The following KLHL18 variants were observed in gnomAD, a reference collection of about 807,000 sequenced individuals.
The protein encoded by KLHL18 is kelch like family member 18.
In KLHL18, 38 loss-of-function variants were observed where a neutral mutation model predicts 58.5. The ratio of observed to expected loss-of-function variants is 0.65; its 90% CI spans 0.50 to 0.85. The LOEUF is 0.85. Among genes scored for constraint, KLHL18 ranks in the 40% least tolerant of loss-of-function variants. The probability of loss-of-function intolerance (pLI) is 0.00; values close to 1 mark genes in which losing one functional copy is unlikely to be tolerated. For synonymous variants in KLHL18, 303 were observed against 301.9 expected (o/e 1.00, Z -0.04); for missense variants, 624 against 778.4 (o/e 0.80, Z 2.36).
At chr3:47,299,191 G>A (rs1006921932) in intron 1 of KLHL18, among the ~76,000 whole-genome samples, 2 of 152,170 alleles carry the variant, frequency 1.3e-5, no homozygotes, top group African/African-American at 4.8e-5. Context: ...ACCTTGGCTA[G>A]GCCCAGTTGT....
At chr3:47,327,757 A>G (rs1386106887) in intron 3 of KLHL18, among the ~76,000 whole-genome samples, 3 of 152,226 alleles carry the variant, frequency 2.0e-5, no homozygotes, top group Admixed American at 1.3e-4. Flanking sequence ...ACTATGTAGA[A>G]TTTTGACTAG....
intron 3 of KLHL18, 83 bp from the exon 4 acceptor site, chr3:47,329,868 G>T (rs543525407): frequency 5.1e-6 from 6 of 1,186,812 alleles, no homozygotes; most frequent in Non-Finnish European, 7.4e-6. Flanking sequence ...TCATTCTGTG[G>T]CTCTACCCAG....
chr3:47,330,484 G>A (rs1481835709), intron 4 of KLHL18, among the ~76,000 whole-genome samples: 2 of 152,108 alleles, frequency 1.3e-5, no homozygotes, highest in Non-Finnish European at 2.9e-5. Flanking sequence ...ATTTTTTGTA[G>A]AGACCGGGTT....
At chr3:47,290,263 CCA>C (rs1702763209) in intron 1 of KLHL18, among the ~76,000 whole-genome samples, 1 of 152,208 alleles carries the variant, frequency 6.6e-6, no homozygotes, top group Non-Finnish European at 1.5e-5. Context: ...TGTCCAGATG[CCA>C]CACCAACATT....
chr3:47,294,249 G>A (rs1038982342), intron 1 of KLHL18, among the ~76,000 whole-genome samples: 2 of 152,108 alleles, frequency 1.3e-5, no homozygotes, highest in Non-Finnish European at 2.9e-5. Context: ...TTCTCATTTC[G>A]TTTTCATTCA....
chr3:47,295,518 T>G (rs1480373330), intron 1 of KLHL18, among the ~76,000 whole-genome samples: 1 of 152,132 alleles, frequency 6.6e-6, no homozygotes, highest in East Asian at 1.9e-4. Flanking sequence ...TTTCTTCCTT[T>G]GCTTTCTTTC....
chr3:47,291,838 A>G (rs1319589321), intron 1 of KLHL18, among the ~76,000 whole-genome samples: 3 of 152,276 alleles, frequency 2.0e-5, no homozygotes, highest in Admixed American at 6.5e-5. Flanking sequence ...TCATGGGACT[A>G]TACTGATTAG....
chr3:47,322,800 G>A, intron 3 of KLHL18, 92 bp downstream of exon 3: 1 of 1,251,918 alleles, frequency 8.0e-7, no homozygotes, highest in South Asian at 2.0e-5. Flanking sequence ...CCATATATAG[G>A]TTTATGAAGG....
chr3:47,318,434 C>T (rs989470815), intron 1 of KLHL18, among the ~76,000 whole-genome samples: 20 of 152,138 alleles, frequency 1.3e-4, no homozygotes, highest in African/African-American at 4.8e-4. Context: ...CCTTTTATGA[C>T]CTAGCTTTGA....
chr3:47,321,662 C>T (rs1164848328), intron 2 of KLHL18, among the ~76,000 whole-genome samples: 1 of 152,114 alleles, frequency 6.6e-6, no homozygotes, highest in African/African-American at 2.4e-5. Context: ...TGCCAGCTTT[C>T]TAGTAGTGAT....
At chr3:47,324,294 C>CTTTTTTT (rs1559498832) in intron 3 of KLHL18, among the ~76,000 whole-genome samples, 5 of 10,616 alleles carry the variant, frequency 4.7e-4, no homozygotes, top group East Asian at 5.4e-3. Context: ...CTTTTTCTTT[C>CTTTTTTT]TTTCTTTTTT....
chr3:47,330,107 G>A lies in KLHL18; in HGVS notation c.558G>A (p.Glu186=). The A allele has an allele frequency of 6.2e-7, 1 of 1,614,178 alleles. No homozygotes were observed. The highest frequency in any genetic ancestry group is 8.5e-7 in the Non-Finnish European group (1 of 1,180,040). ...CCCTGCCCTTGGAAGACGTGCTTGA[G>A]CTGGTGTCTCGGGATGAGCTGAATG... ...FLALPLEDVL[E]LVSRDELNVK... The change falls in exon 4 of 10, where the codon GAG becomes GAA. Residue 186 remains glutamate (E), a synonymous_variant. Transcript: ENST00000232766.
At chr3:47,311,535 A>G (rs112611988) in intron 1 of KLHL18, among the ~76,000 whole-genome samples, 4,427 of 152,082 alleles carry the variant, frequency 0.029, 87 homozygotes, top group South Asian at 0.05. Flanking sequence ...TACTAAAAAT[A>G]CAAAAAATTA....
intron 1 of KLHL18, among the ~76,000 whole-genome samples, chr3:47,300,412 TA>T: frequency 7.8e-4 from 1 of 1,286 alleles, no homozygotes; most frequent in East Asian, 0.062. Flanking sequence ...TGTGTGTGTA[TA>T]TATATATATT....
chr3:47,339,794 G>A lies in KLHL18; in HGVS notation c.1122-778G>A, dbSNP rs1704068006. Among the ~76,000 whole-genome samples, 4 of 12,458 alleles carry A rather than the reference G, an allele frequency of 3.2e-4. No homozygotes were observed. The South Asian group carries it at 0.12, about 389-fold the overall frequency. The allele number at this position is 12,458 out of a possible 152,430, so 8.2% of individuals were successfully genotyped here. A position where few individuals can be genotyped will look rare whatever the true frequency, so the allele number is the denominator to read the frequency against. ...GCAGATAGATTGGCTGGGTGTGGTGGCTCACTCTTAACAATCCCAGCACTT... is the reference window on the plus strand; with the variant it reads ...GCAGATAGATTGGCTGGGTGTGGTGACTCACTCTTAACAATCCCAGCACTT... On this transcript the variant is annotated intron_variant, in intron 7 of 9. Transcript: ENST00000232766.
In KLHL18 at chr3:47,334,574, C is replaced by T. The variant is rs1703941006; in HGVS notation, c.762-109C>T. The stretch of plus-strand genomic sequence containing the variant: ...AGACCAGACCTTCCAGAAGGCTTCT[C>T]CTCCCAGGTTTCCCCTGCAGTTGGC... On this transcript the variant is annotated intron_variant, in intron 5 of 9. Coordinates refer to ENST00000232766, the MANE Select transcript of KLHL18 (RefSeq NM_025010.5). This position sits in a 1 kb window ranked among gnomAD's most constrained non-coding sequence, Gnocchi z 4.7. The T allele has an allele frequency of 5.4e-6, 7 of 1,303,200 alleles. No individual in the cohort carries two copies. The Admixed American group carries it at 7.6e-5, about 14-fold the overall frequency. The allele number at this position is 1,303,200 out of a possible 1,614,324, so 80.7% of individuals were successfully genotyped here.
At chr3:47,328,995 T>C (rs564347752) in intron 3 of KLHL18, among the ~76,000 whole-genome samples, 24 of 152,020 alleles carry the variant, frequency 1.6e-4, no homozygotes, top group East Asian at 9.8e-4. Flanking sequence ...TAGCCAGGCA[T>C]GGTGGCACCT....
At chr3:47,328,236 T>C (rs1329105401) in intron 3 of KLHL18, among the ~76,000 whole-genome samples, 1 of 149,786 alleles carries the variant, frequency 6.7e-6, no homozygotes, top group Non-Finnish European at 1.5e-5. Flanking sequence ...TTTAATTAGC[T>C]AGGTGTGTGG....
At chr3:47,286,011 GC>G (rs1469227579) in intron 1 of KLHL18, among the ~76,000 whole-genome samples, 1 of 151,298 alleles carries the variant, frequency 6.6e-6, no homozygotes, top group African/African-American at 2.4e-5. Flanking sequence ...CTGCACTCCA[GC>G]CTGGGCAACA....
Sources: gnomAD v4.1 joint callset for allele counts (sites outside exome capture counted in the v4.1 genomes callset) on GRCh38, gnomAD v4.1.1 for gene constraint, Gnocchi (gnomAD v3.1) non-coding constraint, MANE v1.5 for transcripts, NCBI Gene and HGNC (gene_info 2026-07-23, HGNC 2026-07-21) for gene names.